The following AKT1 variants were observed in gnomAD, a reference collection of about 807,000 sequenced individuals.
AKT1 encodes AKT serine/threonine kinase 1, also known as RAC-alpha serine/threonine-protein kinase.
AKT1 carries 21 observed loss-of-function variants against 63.1 expected under a neutral mutation model. The observed-to-expected ratio is 0.33, with a 90% CI of 0.24 to 0.48. The LOEUF (loss-of-function observed/expected upper bound fraction) is 0.48, where lower values mean the gene tolerates loss of function less well. AKT1 is among the 20% of genes least tolerant of loss of function. The probability of loss-of-function intolerance (pLI) is 0.99; values close to 1 mark genes in which losing one functional copy is unlikely to be tolerated. For missense variants in AKT1, 382 were observed against 666.0 expected, an observed-to-expected ratio of 0.57 and a Z score of 4.69; for synonymous variants, 257 against 253.1, an observed-to-expected ratio of 1.02 and a Z score of -0.15.
intron 13 of AKT1, chr14:104,771,592 C>T (rs921510365): frequency 4.3e-6 from 1 of 233,158 alleles, no homozygotes; most frequent in African/African-American, 2.2e-5. Flanking sequence ...GGACCAGGAC[C>T]AGGGCACCCT....
intron 3 of AKT1, among the ~76,000 whole-genome samples, chr14:104,784,568 C>T (rs1206874570): frequency 6.6e-6 from 1 of 152,192 alleles, no homozygotes; most frequent in African/African-American, 2.4e-5. Flanking sequence ...CTGGAGCACC[C>T]CCAGGGAAAG....
rs143315363 is a variant in AKT1, at chr14:104,780,065, C to T, written c.175+23G>A. The T allele has an allele frequency of 5.2e-4, 844 of 1,609,544 alleles. 7 individuals are homozygous for T. The African/African-American group carries it at 8.5e-3, about 16-fold the overall frequency. On this transcript the variant is annotated intron_variant, in intron 4 of 14. Coordinates refer to ENST00000649815, the MANE Select transcript of AKT1 (RefSeq NM_001382430.1). ...CAGCCAACCCCCCAAATCTGAATCC[C>T]GAGAGGCCAAGGGGATACTTACGCG...
intron 9 of AKT1, 31 bp downstream of exon 9, chr14:104,773,881 G>A (rs775915416): frequency 7.6e-5 from 121 of 1,582,476 alleles, no homozygotes; most frequent in Admixed American, 2.6e-4. Flanking sequence ...CACAGGCCGC[G>A]AAGTCCATCC....
At chr14:104,776,460 T>TA (rs1892719574) in intron 5 of AKT1, 199 bp downstream of exon 5, 2 of 533,136 alleles carry the variant, frequency 3.8e-6, no homozygotes, top group South Asian at 4.9e-5. Flanking sequence ...AGCCAGTTTT[T>TA]ATCTCCAGCC....
chr14:104,789,006 C>T (rs1016277071), intron 3 of AKT1, among the ~76,000 whole-genome samples: 1 of 152,222 alleles, frequency 6.6e-6, no homozygotes, highest in African/African-American at 2.4e-5. Flanking sequence ...CACTCAGGAG[C>T]GTCTGCCGCG....
At chr14:104,780,457 A>C (rs1892967643) in intron 3 of AKT1, among the ~76,000 whole-genome samples, 1 of 152,172 alleles carries the variant, frequency 6.6e-6, no homozygotes, top group Non-Finnish European at 1.5e-5. Flanking sequence ...GCTGTGTCTG[A>C]AAACGGGCTG....
chr14:104,787,491 C>T (rs1039363693), intron 3 of AKT1, among the ~76,000 whole-genome samples: 8 of 152,282 alleles, frequency 5.3e-5, no homozygotes, highest in East Asian at 1.9e-4. Context: ...TGGGAGGGCC[C>T]GAGGGCAGGG....
intron 3 of AKT1, among the ~76,000 whole-genome samples, chr14:104,791,088 G>A (rs1027096788): frequency 1.3e-5 from 2 of 152,170 alleles, no homozygotes; most frequent in African/African-American, 4.8e-5. Flanking sequence ...TGGCTGATGG[G>A]TGCCCCAGTA....
At chr14:104,771,941 G>A in intron 13 of AKT1, 1 of 312,918 alleles carries the variant, frequency 3.2e-6, no homozygotes, top group Admixed American at 4.6e-5. Flanking sequence ...AATAGGGCTG[G>A]GCTCTCCTTG....
At chr14:104,792,362 C>A (rs977391810) in intron 3 of AKT1, among the ~76,000 whole-genome samples, 1 of 152,154 alleles carries the variant, frequency 6.6e-6, no homozygotes, top group Non-Finnish European at 1.5e-5. Context: ...AGGGCCCACA[C>A]CAGGAAGCCA....
chr14:104,770,021 C>G lies in AKT1; in HGVS notation c.*320G>C. ...GGACACATGGGCAGGACCTGCCCGG[C>G]CCCCCAATGCCACATTGCGCATAGC... On this transcript the variant is annotated 3_prime_UTR_variant, in exon 15 of 15. Transcript: ENST00000649815. 4.2e-6 allele frequency: 2 copies of G among 470,852 alleles called. No homozygotes were observed. Among genetic ancestry groups the G allele is most frequent in the South Asian group, 2.1e-5 (1 of 47,064 alleles). 29.2% of individuals were successfully genotyped at this position (470,852 alleles called of 1,614,324 possible).
At position 104,773,678 on chromosome 14, in the gene AKT1, A is replaced by G. The variant is rs1892535842; in HGVS notation, c.703-98T>C. ...CTCAGACCGGGTCTCGGCATTGCAC[A>G]GGGAAGGGACCAGCCACCAGAGGGC... On this transcript the variant is annotated intron_variant, in intron 9 of 14. Coordinates refer to ENST00000649815, the MANE Select transcript of AKT1 (RefSeq NM_001382430.1). The G allele has an allele frequency of 2.0e-6, 3 of 1,502,772 alleles. No individual in the cohort carries two copies. In the South Asian group the frequency reaches 3.8e-5, roughly 19 times the overall value. The allele number at this position is 1,502,772 out of a possible 1,614,324, so 93.1% of individuals were successfully genotyped here. A position where few individuals can be genotyped will look rare whatever the true frequency, so the allele number is the denominator to read the frequency against.
At chr14:104,784,717 G>A (rs1893245433) in intron 3 of AKT1, among the ~76,000 whole-genome samples, 1 of 145,952 alleles carries the variant, frequency 6.9e-6, no homozygotes, top group African/African-American at 2.5e-5. Flanking sequence ...CCCTCTCCAC[G>A]CCTCACACAC....
At chr14:104,783,677 C>T (rs1893192319) in intron 3 of AKT1, among the ~76,000 whole-genome samples, 1 of 152,130 alleles carries the variant, frequency 6.6e-6, no homozygotes, top group Non-Finnish European at 1.5e-5. Flanking sequence ...CAGCCAGAGT[C>T]ATCTCCTGCC....
chr14:104,771,377 G>C (rs1309694137), intron 13 of AKT1: 2 of 232,178 alleles, frequency 8.6e-6, no homozygotes, highest in Non-Finnish European at 1.7e-5. Flanking sequence ...CACACGTGAG[G>C]AGCTGCCAGA....
At chr14:104,785,789 C>A (rs1224357572) in intron 3 of AKT1, among the ~76,000 whole-genome samples, 2 of 152,128 alleles carry the variant, frequency 1.3e-5, no homozygotes, top group African/African-American at 4.8e-5. Flanking sequence ...CCGGGAGGAA[C>A]ATGGTGCGGG....
At chr14:104,780,669 C>T (rs1023310866) in intron 3 of AKT1, among the ~76,000 whole-genome samples, 9 of 152,204 alleles carry the variant, frequency 5.9e-5, no homozygotes, top group East Asian at 5.8e-4. Context: ...GGCCAGGTGG[C>T]GACAGCAGGT....
At position 104,772,597 on chromosome 14, in the gene AKT1, C is replaced by T; in HGVS notation, c.1173-145G>A. ...GAGCCGGTGGTGCAGCGTCCCTGAG[C>T]AGCTGTGGGTAGCAAAGCACCACAG... On this transcript the variant is annotated intron_variant, in intron 12 of 14. Transcript: ENST00000649815. 4.8e-6 allele frequency: 4 copies of T among 835,856 alleles called. 1 individual carries two copies. The South Asian group carries it at 4.9e-5, about 10-fold the overall frequency. The allele number at this position is 835,856 out of a possible 1,614,324, so 51.8% of individuals were successfully genotyped here.
At position 104,770,146 on chromosome 14, in the gene AKT1, G is replaced by A. The variant is rs1185623460; in HGVS notation, c.*195C>T. On this transcript the variant is annotated 3_prime_UTR_variant, in exon 15 of 15. Coordinates refer to ENST00000649815, the MANE Select transcript of AKT1 (RefSeq NM_001382430.1). ...GGATGAAATAAATTAAAACCCGCAG[G>A]ATAGTTTTCTTCCCTACCCCGCTGC... 1 of 624,188 alleles carries A rather than the reference G, an allele frequency of 1.6e-6. No individual in the cohort carries two copies. The highest frequency in any genetic ancestry group is 1.8e-5 in the African/African-American group (1 of 54,544). 38.7% of individuals were successfully genotyped at this position (624,188 alleles called of 1,614,324 possible).
Sources: gnomAD v4.1 joint callset for allele counts (sites outside exome capture counted in the v4.1 genomes callset) on GRCh38, gnomAD v4.1.1 for gene constraint, MANE v1.5 for transcripts, NCBI Gene and HGNC (gene_info 2026-07-23, HGNC 2026-07-21) for gene names.